RARB: variants seen among roughly 807,000 people sequenced by gnomAD.
RARB encodes the protein retinoic acid receptor beta.
RARB carries 17 observed loss-of-function variants against 51.9 expected under a neutral mutation model. The ratio of observed to expected loss-of-function variants is 0.33; its 90% CI spans 0.22 to 0.49. The LOEUF is 0.49. Among genes scored for constraint, RARB ranks in the 20% least tolerant of loss-of-function variants. The pLI is 0.99. For synonymous variants in RARB, 215 were observed against 195.4 expected, an observed-to-expected ratio of 1.10 and a Z score of -0.84; for missense variants, 369 against 550.8, an observed-to-expected ratio of 0.67 and a Z score of 3.30.
At chr3:25,106,473 G>GTT (rs1366761121) in intron 3 of RARB, among the ~76,000 whole-genome samples, 2 of 111,684 alleles carry the variant, frequency 1.8e-5, no homozygotes, top group African/African-American at 3.7e-5. Flanking sequence ...TTTTTGTTTT[G>GTT]TTTTTTTTTT....
chr3:25,154,343 A>C (rs1305458428), intron 4 of RARB, among the ~76,000 whole-genome samples: 4 of 152,212 alleles, frequency 2.6e-5, no homozygotes, highest in African/African-American at 9.6e-5. Context: ...ATAAAACCAG[A>C]ATTCTGGAGT....
Position 25,202,597 on chromosome 3 carries a change from C to T in RARB, c.178+28022C>T, listed in dbSNP as rs898499005. Among the ~76,000 whole-genome samples the T allele has an allele frequency of 4.6e-5, 7 of 152,304 alleles. No individual in the cohort carries two copies. In the East Asian group the frequency reaches 5.8e-4, roughly 13 times the overall value. Reference sequence around the variant, plus strand: ...AGTGCTATAAATTTCCCTCTACACACGGCTTTAAATGTGTCCCAGAGATTC... The same window carrying T: ...AGTGCTATAAATTTCCCTCTACACATGGCTTTAAATGTGTCCCAGAGATTC... On this transcript the variant is annotated intron_variant, in intron 5 of 11. Coordinates refer to the RARB transcript ENST00000383772.
At position 24,933,907 on chromosome 3, in the gene RARB, T is replaced by C. The variant is rs546543106; in HGVS notation, c.-380+75155T>C. Among the ~76,000 whole-genome samples, 4 of 152,258 alleles carry C rather than the reference T, an allele frequency of 2.6e-5. No homozygotes were observed. In the South Asian group the frequency reaches 8.3e-4, roughly 32 times the overall value. ...AGTATACATACAAATAGAGATGCAT[T>C]TGTATTTCTCTGTATATTCCAACAA... On this transcript the variant is annotated intron_variant, in intron 2 of 11. Transcript: ENST00000383772.
chr3:25,093,578 A>G (rs1559463803), intron 3 of RARB, among the ~76,000 whole-genome samples: 2 of 152,194 alleles, frequency 1.3e-5, no homozygotes, highest in Non-Finnish European at 1.5e-5. Flanking sequence ...TTCTGCTTAC[A>G]TGTAGACATA....
intron 2 of RARB, among the ~76,000 whole-genome samples, chr3:24,912,183 G>A (rs757201020): frequency 3.9e-5 from 6 of 152,126 alleles, no homozygotes; most frequent in African/African-American, 1.4e-4. Flanking sequence ...TGACGAGGCA[G>A]GGGGGAAATG....
chr3:24,841,416 C>T (rs1158312863), intron 1 of RARB, among the ~76,000 whole-genome samples: 1 of 152,182 alleles, frequency 6.6e-6, no homozygotes, highest in African/African-American at 2.4e-5. Context: ...ACTCAAACTG[C>T]TGCAGTGGAT....
At chr3:25,247,163 C>G (rs1435639035) in intron 5 of RARB, among the ~76,000 whole-genome samples, 2 of 152,178 alleles carry the variant, frequency 1.3e-5, no homozygotes, top group African/African-American at 2.4e-5. Context: ...ATGGCAGATG[C>G]CCTTCCCCCA....
At chr3:25,293,366 T>C (rs954369652) in intron 5 of RARB, among the ~76,000 whole-genome samples, 7 of 152,068 alleles carry the variant, frequency 4.6e-5, no homozygotes, top group African/African-American at 1.4e-4. Context: ...TAAGAGTTGA[T>C]GTTTTATAAT....
At chr3:25,174,328 C>T in exon 5 of RARB, 2 of 1,267,494 alleles carry the variant, frequency 1.6e-6, no homozygotes, top group East Asian at 4.7e-5. Flanking sequence ...TTGCCTCCCT[C>T]ACTTTGGTTT....
intron 2 of RARB, among the ~76,000 whole-genome samples, chr3:24,979,365 G>A (rs1281319350): frequency 1.3e-5 from 2 of 152,038 alleles, no homozygotes; most frequent in South Asian, 2.1e-4. Context: ...TTATTGTGTG[G>A]GAGTCTAAGT....
intron 2 of RARB, among the ~76,000 whole-genome samples, chr3:24,862,383 TGAG>T (rs1559374810): frequency 6.6e-6 from 1 of 152,186 alleles, no homozygotes; most frequent in African/African-American, 2.4e-5. Flanking sequence ...GATTACCTGG[TGAG>T]GAAGTACAGT....
chr3:25,131,470 C>A (rs1699953203), intron 3 of RARB, among the ~76,000 whole-genome samples: 1 of 151,936 alleles, frequency 6.6e-6, no homozygotes, highest in Non-Finnish European at 1.5e-5. Flanking sequence ...TGTGAAATGC[C>A]TTTTCTGTAC....
intron 5 of RARB, among the ~76,000 whole-genome samples, chr3:25,255,951 G>A (rs969631385): frequency 6.6e-6 from 1 of 152,076 alleles, no homozygotes; most frequent in Non-Finnish European, 1.5e-5. Flanking sequence ...TTTTCAGTGA[G>A]ATTTCTTAAA....
chr3:25,445,968 T>C (rs1352594848), intron 1 of RARB, among the ~76,000 whole-genome samples: 1 of 152,216 alleles, frequency 6.6e-6, no homozygotes, highest in Non-Finnish European at 1.5e-5. Flanking sequence ...GGATTAAAGG[T>C]ATTAAAACTC....
rs1303807942 is a variant in RARB, at chr3:25,517,563, G to A, written c.448+16240G>A. On this transcript the variant is annotated intron_variant, in intron 3 of 7. Transcript: ENST00000330688. Reference sequence around the variant, plus strand: ...CTAGTGGGATCATAAATGGTACATTGCCACTATGGGAAACAGTTTGGCAGT... The same window carrying A: ...CTAGTGGGATCATAAATGGTACATTACCACTATGGGAAACAGTTTGGCAGT... Among the ~76,000 whole-genome samples, 3 of 152,126 alleles carry A rather than the reference G, an allele frequency of 2.0e-5. No homozygotes were observed. In the South Asian group the frequency reaches 6.2e-4, roughly 31 times the overall value.
At chr3:25,278,242 T>C (rs892492331) in intron 5 of RARB, among the ~76,000 whole-genome samples, 10 of 152,176 alleles carry the variant, frequency 6.6e-5, no homozygotes, top group African/African-American at 2.4e-4. Context: ...CTTCTAGAGC[T>C]GGGAAATGAA....
At chr3:25,065,122 ATTT>A (rs72410181) in intron 3 of RARB, among the ~76,000 whole-genome samples, 1 of 144,922 alleles carries the variant, frequency 6.9e-6, no homozygotes, top group African/African-American at 2.5e-5. Context: ...CTAGAACTTC[ATTT>A]TTTTTTTTTT....
intron 5 of RARB, among the ~76,000 whole-genome samples, chr3:25,339,478 G>A (rs1027246973): frequency 6.6e-6 from 1 of 152,044 alleles, no homozygotes; most frequent in Admixed American, 6.6e-5. Flanking sequence ...CTTCCACCAC[G>A]TGGCTGCGCG....
At position 25,428,826 on chromosome 3, in the gene RARB, C is replaced by G. The variant is rs147798097; in HGVS notation, c.95C>G (p.Ala32Gly). 170 of 1,613,968 alleles carry G rather than the reference C, an allele frequency of 1.1e-4. No homozygotes were observed. Among genetic ancestry groups the G allele is most frequent in the Non-Finnish European group, 1.3e-4 (156 of 1,180,022 alleles). The change falls in exon 1 of 8, where the codon GCT becomes GGT. Residue 32 changes from alanine (A) to glycine (G), a missense_variant. Around this residue, in one of 9 missense-constraint regions of RARB, gnomAD observed 99 missense variants for 95.1 expected, o/e 1.04. Coordinates refer to ENST00000330688, the MANE Select transcript of RARB (RefSeq NM_000965.5). ...SPSSCMLQEK[A>G]LKACFSGLTQ... ...TCTTCCTGCATGCTCCAGGAGAAAG[C>G]TCTCAAAGCATGCTTCAGTGGATTG...
Sources: allele counts gnomAD v4.1 joint callset (sites outside exome capture counted in the v4.1 genomes callset), GRCh38; gene constraint gnomAD v4.1.1; regional missense constraint gnomAD v4.1.1; transcripts MANE v1.5; gene names NCBI Gene and HGNC (gene_info 2026-07-23, HGNC 2026-07-21).